SEPHS1: variants seen among roughly 807,000 people sequenced by gnomAD.
SEPHS1 encodes the protein zincore component SEPHS1.
Under a neutral mutation model 39.2 loss-of-function variants are expected in SEPHS1, and 7 were observed. The observed-to-expected ratio is 0.18, with a 90% confidence interval of 0.10 to 0.34. The LOEUF (loss-of-function observed/expected upper bound fraction) is 0.34, where lower values mean the gene tolerates loss of function less well. SEPHS1 is among the 10% of genes least tolerant of loss of function. The pLI is 1.00. For synonymous variants in SEPHS1, 190 were observed against 195.5 expected, an observed-to-expected ratio of 0.97 and a Z score of 0.23; for missense variants, 253 against 514.5, an observed-to-expected ratio of 0.49 and a Z score of 4.92.
In SEPHS1 at chr10:13,338,806, T is replaced by A; in HGVS notation, c.196A>T (p.Ile66Phe). 1 of 1,611,028 alleles carries A rather than the reference T, an allele frequency of 6.2e-7. No individual in the cohort carries two copies. Among genetic ancestry groups the A allele is most frequent in the Non-Finnish European group, 8.5e-7 (1 of 1,177,126 alleles). ...FLGAVMPRLG[I>F]GMDTCVIPLR... ...GGAATGACACAAGTATCCATTCCAA[T>A]GCCTGTGGAGATGGAAGTCATTAGC... Residue 66 changes from isoleucine to phenylalanine, a missense_variant and splice_region_variant, in exon 3 of 9, where the codon ATT becomes TTT. Ile to Phe is a conservative substitution (Grantham distance 21). Transcript: ENST00000327347.
intron 8 of SEPHS1, chr10:13,322,093 A>G (rs746646481): frequency 2.2e-6 from 1 of 455,176 alleles, no homozygotes; most frequent in Non-Finnish European, 4.4e-6. Context: ...TGGCATTTTA[A>G]AGACATAATA....
chr10:13,337,106 G>A (rs1273058174), intron 3 of SEPHS1, among the ~76,000 whole-genome samples: 3 of 151,994 alleles, frequency 2.0e-5, no homozygotes, highest in Admixed American at 6.6e-5. Flanking sequence ...AGCTGAGATC[G>A]TGCCACTGCA....
At chr10:13,335,790 G>A (rs575570558) in intron 4 of SEPHS1, among the ~76,000 whole-genome samples, 1 of 151,836 alleles carries the variant, frequency 6.6e-6, no homozygotes, top group African/African-American at 2.4e-5. Context: ...GAACAGCCTG[G>A]CCAACGTGAT....
chr10:13,338,896 C>G (rs759582634), intron 2 of SEPHS1, 88 bp from the exon 3 acceptor site: 1 of 958,554 alleles, frequency 1.0e-6, no homozygotes, highest in Non-Finnish European at 1.7e-6. Flanking sequence ...AGGAAGAGCT[C>G]ATAAGATACT....
intron 4 of SEPHS1, among the ~76,000 whole-genome samples, chr10:13,335,252 C>A (rs916635124): frequency 6.6e-6 from 1 of 152,248 alleles, no homozygotes; most frequent in African/African-American, 2.4e-5. Flanking sequence ...TCACCATCTA[C>A]GTCCACGACA....
intron 7 of SEPHS1, among the ~76,000 whole-genome samples, chr10:13,323,540 A>C (rs1833174618): frequency 6.6e-6 from 1 of 151,980 alleles, no homozygotes; most frequent in Non-Finnish European, 1.5e-5. Flanking sequence ...TTTTTAGCAG[A>C]GACAGGGTTT....
Position 13,319,334 on chromosome 10 carries a change from T to C in SEPHS1, c.987A>G (p.Pro329=), listed in dbSNP as rs146178970. The change falls in exon 9 of 9, where the codon CCA becomes CCG. Residue 329 remains proline, a synonymous_variant. Coordinates refer to ENST00000327347, the MANE Select transcript of SEPHS1 (RefSeq NM_012247.5). The part of the protein sequence containing the change: ...ETSGGLLICL[P]REQAARFCAE... ...CACAGAACCGAGCTGCTTGCTCACG[T>C]GGTAAACAGATCAGAAGGCCGCCTG... is the stretch of plus-strand genomic sequence containing the variant. The C allele has an allele frequency of 4.6e-4, 736 of 1,613,000 alleles. No homozygotes were observed. Among genetic ancestry groups the C allele is most frequent in the Admixed American group, 9.2e-4 (55 of 59,564 alleles).
At chr10:13,335,516 T>C (rs1311120068) in intron 4 of SEPHS1, among the ~76,000 whole-genome samples, 1 of 151,636 alleles carries the variant, frequency 6.6e-6, no homozygotes, top group African/African-American at 2.4e-5. Context: ...ATATAAAAAT[T>C]AGCTGGGGGT....
chr10:13,326,546 A>G (rs999831664), intron 7 of SEPHS1, among the ~76,000 whole-genome samples: 6 of 144,212 alleles, frequency 4.2e-5, no homozygotes, highest in South Asian at 2.1e-4. Context: ...CCTCTGATCT[A>G]TAACTTTTTT....
chr10:13,339,055 T>A (rs1833718786), intron 2 of SEPHS1, among the ~76,000 whole-genome samples: 1 of 152,208 alleles, frequency 6.6e-6, no homozygotes, highest in African/African-American at 2.4e-5. Context: ...ATAGTTTTAA[T>A]CCTTAATGAT....
At chr10:13,347,629 G>T (rs1440768844) in intron 1 of SEPHS1, among the ~76,000 whole-genome samples, 1 of 146,866 alleles carries the variant, frequency 6.8e-6, no homozygotes, top group South Asian at 2.1e-4. Context: ...GAGGCACCCC[G>T]CGACCCCAGG....
At chr10:13,336,651 G>A (rs1833644658) in intron 3 of SEPHS1, among the ~76,000 whole-genome samples, 1 of 152,172 alleles carries the variant, frequency 6.6e-6, no homozygotes, top group Admixed American at 6.5e-5. Context: ...TTAGATAGGG[G>A]AAGGGGTATA....
At position 13,319,297 on chromosome 10, in the gene SEPHS1, A is replaced by T; in HGVS notation, c.1024T>A (p.Ser342Thr). The T allele has an allele frequency of 6.2e-7, 1 of 1,613,724 alleles. No individual in the cohort carries two copies. The highest frequency in any genetic ancestry group is 8.5e-7 in the Non-Finnish European group (1 of 1,179,890). Residue 342 changes from serine to threonine, a missense_variant, in exon 9 of 9, where the codon TCC becomes ACC. Ser to Thr is a moderately conservative substitution (Grantham distance 58). Transcript: ENST00000327347. ...QAARFCAEIK[S>T]PKYGEGHQAW... ...TGGTGGCCTTCACCATATTTGGGGG[A>T]CTTTATCTCTGCACAGAACCGAGCT...
chr10:13,331,969 T>C (rs1197762561), intron 5 of SEPHS1, among the ~76,000 whole-genome samples: 1 of 152,232 alleles, frequency 6.6e-6, no homozygotes, highest in Non-Finnish European at 1.5e-5. Flanking sequence ...GGCGCAGCCA[T>C]GTTGGAGACC....
intron 4 of SEPHS1, 76 bp from the exon 5 acceptor site, chr10:13,334,047 C>G: frequency 1.5e-6 from 2 of 1,298,816 alleles, no homozygotes; most frequent in Non-Finnish European, 2.1e-6. Context: ...TTTACACTTA[C>G]AGTTATAAAA....
intron 7 of SEPHS1, among the ~76,000 whole-genome samples, chr10:13,324,847 T>C (rs1276691189): frequency 2.6e-5 from 4 of 152,216 alleles, no homozygotes; most frequent in African/African-American, 9.6e-5. Flanking sequence ...GTTTTGGATT[T>C]TAGCCATTCT....
Position 13,328,498 on chromosome 10 carries a change from T to C in SEPHS1, c.652-48A>G, listed in dbSNP as rs775950210. 16 of 1,320,254 alleles carry C rather than the reference T, an allele frequency of 1.2e-5. No individual in the cohort carries two copies. In the East Asian group the frequency reaches 3.5e-4, roughly 29 times the overall value. The allele number at this position is 1,320,254 out of a possible 1,614,324, so 81.8% of individuals were successfully genotyped here. On this transcript the variant is annotated intron_variant, in intron 6 of 8. Transcript: ENST00000327347. ...GGGAGAGAAAGAGAGGAAAATGTGA[T>C]TAATCTTTACTTCTAGCAACTGAGA...
At chr10:13,345,319 A>C (rs111934003) in intron 1 of SEPHS1, 7 of 169,380 alleles carry the variant, frequency 4.1e-5, no homozygotes, top group African/African-American at 7.1e-5. Flanking sequence ...AGCAAATCCC[A>C]AAGGTTCTTC....
intron 7 of SEPHS1, among the ~76,000 whole-genome samples, chr10:13,324,932 C>A (rs1232194292): frequency 6.6e-6 from 1 of 152,184 alleles, no homozygotes; most frequent in Non-Finnish European, 1.5e-5. Flanking sequence ...TGAAGGTTTC[C>A]TTTTATGCTT....
Sources: allele counts gnomAD v4.1 joint callset (sites outside exome capture counted in the v4.1 genomes callset), GRCh38; gene constraint gnomAD v4.1.1; transcripts MANE v1.5; gene names NCBI Gene and HGNC (gene_info 2026-07-23, HGNC 2026-07-21).